FMNL2: variants seen among roughly 807,000 people sequenced by gnomAD.
FMNL2 encodes formin like 2.
In FMNL2, 51 loss-of-function variants were observed where a neutral mutation model predicts 130.2. The observed-to-expected ratio is 0.39, with a 90% confidence interval of 0.31 to 0.49. The LOEUF is 0.49. FMNL2 is among the 20% of genes least tolerant of loss of function. The probability of loss-of-function intolerance (pLI) is 0.85; values close to 1 mark genes in which losing one functional copy is unlikely to be tolerated. For synonymous variants in FMNL2, 465 were observed against 467.1 expected (o/e 1.00, Z 0.06); for missense variants, 977 against 1,316.2 (o/e 0.74, Z 3.99).
intron 1 of FMNL2, among the ~76,000 whole-genome samples, chr2:152,421,043 T>A (rs1428573191): frequency 1.3e-5 from 2 of 152,212 alleles, no homozygotes; most frequent in Admixed American, 6.5e-5. Flanking sequence ...AAACACATAA[T>A]ACTGTGTAAG....
At chr2:152,448,163 T>A (rs889355645) in intron 1 of FMNL2, among the ~76,000 whole-genome samples, 19 of 152,102 alleles carry the variant, frequency 1.2e-4, no homozygotes, top group African/African-American at 4.6e-4. Flanking sequence ...CTTAAAGATT[T>A]TGGCAGTATA....
chr2:152,378,617 A>G (rs1270091022), intron 1 of FMNL2, among the ~76,000 whole-genome samples: 1 of 152,108 alleles, frequency 6.6e-6, no homozygotes, highest in Admixed American at 6.5e-5. Flanking sequence ...TTGCTTTCTT[A>G]CTTATTAAGC....
At chr2:152,575,270 A>T (rs756422064) in intron 7 of FMNL2, 26 bp downstream of exon 7, 84 of 1,441,270 alleles carry the variant, frequency 5.8e-5, no homozygotes, top group Admixed American at 2.8e-4. Context: ...TGGTTCTTTT[A>T]AAAAAAACCT....
rs768800715 is a variant in FMNL2 at position 152,619,685 on chromosome 2, T to G, written c.1804T>G (p.Ser602Ala). Residue 602 changes from serine to alanine, a missense_variant, in exon 15 of 26, where the codon TCA (serine) becomes GCA (alanine). Physicochemically the swap from Ser to Ala is moderately conservative, Grantham distance 99 (BLOSUM62 1). Transcript: ENST00000288670. ...PSAPPLPGTSSPTVVFNSGLA... is the reference protein window; with the variant it reads ...PSAPPLPGTSAPTVVFNSGLA... ...TGCACCTCCGCTGCCTGGAACATCT[T>G]CACCCACAGTGGTTTTCAACTCAGG... 2.5e-6 allele frequency: 4 copies of G among 1,612,202 alleles called. No individual in the cohort carries two copies. Among genetic ancestry groups the G allele is most frequent in the Non-Finnish European group, 3.4e-6 (4 of 1,179,506 alleles).
At chr2:152,467,713 T>C (rs1689630990) in intron 1 of FMNL2, among the ~76,000 whole-genome samples, 1 of 152,264 alleles carries the variant, frequency 6.6e-6, no homozygotes, top group Non-Finnish European at 1.5e-5. Context: ...TTTATCAGTA[T>C]GTACACAGCA....
intron 5 of FMNL2, among the ~76,000 whole-genome samples, chr2:152,559,968 G>C (rs1695434605): frequency 6.6e-6 from 1 of 152,110 alleles, no homozygotes; most frequent in South Asian, 2.1e-4. Context: ...TTCAGATGAA[G>C]GTTCTAACCA....
chr2:152,541,730 C>A (rs1694320097), intron 2 of FMNL2, among the ~76,000 whole-genome samples: 1 of 152,060 alleles, frequency 6.6e-6, no homozygotes, highest in Non-Finnish European at 1.5e-5. Context: ...TTTAATGTCA[C>A]CTATTTTATA....
Position 152,620,910 on chromosome 2 carries a change from G to A in FMNL2, c.1837+1192G>A, listed in dbSNP as rs1226899565. Reference sequence around the variant, plus strand: ...TTCACAGTAAGGTCCACAGTAAATCGGTGACTTATTTCTACCCTTCAAGAT... The same window carrying A: ...TTCACAGTAAGGTCCACAGTAAATCAGTGACTTATTTCTACCCTTCAAGAT... On this transcript the variant is annotated intron_variant, in intron 15 of 25. Transcript: ENST00000288670. The A allele has an allele frequency of 1.5e-5, 15 of 983,906 alleles. No homozygotes were observed. The Admixed American group carries it at 4.9e-4, about 32-fold the overall frequency. The allele number at this position is 983,906 out of a possible 1,614,324, so 60.9% of individuals were successfully genotyped here.
intron 2 of FMNL2, among the ~76,000 whole-genome samples, chr2:152,532,609 TTA>T (rs1693762046): frequency 1.4e-4 from 9 of 65,034 alleles, no homozygotes; most frequent in Middle Eastern, 0.01. Flanking sequence ...ATTTTTTTTC[TTA>T]TTTTTTTTTT....
chr2:152,379,842 G>A (rs1684366531), intron 1 of FMNL2, among the ~76,000 whole-genome samples: 1 of 152,148 alleles, frequency 6.6e-6, no homozygotes, highest in Non-Finnish European at 1.5e-5. Context: ...TCCGCTACCA[G>A]TTTCTATGAG....
At chr2:152,580,926 T>TCTTC (rs1696744407) in intron 8 of FMNL2, 30 bp from the exon 9 acceptor site, 1 of 1,595,890 alleles carries the variant, frequency 6.3e-7, no homozygotes, top group Non-Finnish European at 8.6e-7. Flanking sequence ...TTTTCACTGA[T>TCTTC]TTGTGTTTTT....
chr2:152,426,459 C>T (rs1675024969), intron 1 of FMNL2, among the ~76,000 whole-genome samples: 1 of 152,204 alleles, frequency 6.6e-6, no homozygotes, highest in South Asian at 2.1e-4. Context: ...TGTGGCAGTG[C>T]ACTTTCAGTG....
chr2:152,354,171 A>G (rs1324650994), intron 1 of FMNL2, among the ~76,000 whole-genome samples: 1 of 152,230 alleles, frequency 6.6e-6, no homozygotes, highest in Non-Finnish European at 1.5e-5. Context: ...CTGCCATGCT[A>G]CATATGGTGC....
intron 1 of FMNL2, among the ~76,000 whole-genome samples, chr2:152,407,390 C>T (rs1396555183): frequency 1.3e-5 from 2 of 152,018 alleles, no homozygotes; most frequent in African/African-American, 2.4e-5. Flanking sequence ...CAGCCCTGGG[C>T]GATGCGGTGT....
chr2:152,452,221 G>A (rs1161391776), intron 1 of FMNL2, among the ~76,000 whole-genome samples: 1 of 152,220 alleles, frequency 6.6e-6, no homozygotes, highest in African/African-American at 2.4e-5. Context: ...AGGGACTTGC[G>A]TGATAGATTG....
intron 16 of FMNL2, 124 bp downstream of exon 16, chr2:152,625,686 A>G (rs1681738855): frequency 1.8e-6 from 2 of 1,123,006 alleles, no homozygotes; most frequent in African/African-American, 3.1e-5. Flanking sequence ...GATGTAAAGA[A>G]GAAACATGTA....
chr2:152,392,864 G>C (rs963998133), intron 1 of FMNL2, among the ~76,000 whole-genome samples: 5 of 152,108 alleles, frequency 3.3e-5, no homozygotes, highest in Admixed American at 2.0e-4. Context: ...TTGGCCAAGG[G>C]GGAACTTAAG....
At chr2:152,345,488 T>C (rs777680142) in intron 1 of FMNL2, among the ~76,000 whole-genome samples, 29 of 152,174 alleles carry the variant, frequency 1.9e-4, no homozygotes, top group Admixed American at 1.5e-3. Context: ...CTGCTAAATG[T>C]CTTATTTGTG....
chr2:152,561,572 A>G (rs534366685), intron 6 of FMNL2, among the ~76,000 whole-genome samples: 20 of 92,320 alleles, frequency 2.2e-4, no homozygotes, highest in African/African-American at 8.3e-4. Flanking sequence ...TTCACTTGTC[A>G]ACCTTTTTTT....
Sources: allele counts gnomAD v4.1 joint callset (sites outside exome capture counted in the v4.1 genomes callset), GRCh38; gene constraint gnomAD v4.1.1; transcripts MANE v1.5; gene names NCBI Gene and HGNC (gene_info 2026-07-23, HGNC 2026-07-21).